Variants in ADGRL3 observed in about 807,000 individuals in gnomAD.
ADGRL3 encodes calcium-independent alpha-latrotoxin receptor 3.
ADGRL3 carries 62 observed loss-of-function variants against 153.5 expected under a neutral mutation model. The observed-to-expected ratio is 0.40, with a 90% CI of 0.33 to 0.50. The LOEUF (loss-of-function observed/expected upper bound fraction) is 0.50, where lower values mean the gene tolerates loss of function less well. Among genes scored for constraint, ADGRL3 ranks in the 20% least tolerant of loss-of-function variants. The probability of loss-of-function intolerance (pLI) is 0.47; values close to 1 mark genes in which losing one functional copy is unlikely to be tolerated. For synonymous variants in ADGRL3, 710 were observed against 672.5 expected, an observed-to-expected ratio of 1.06 and a Z score of -0.86; for missense variants, 1,641 against 1,859.4, an observed-to-expected ratio of 0.88 and a Z score of 2.16.
intron 23 of ADGRL3, among the ~76,000 whole-genome samples, chr4:62,036,370 C>T (rs1361084339): frequency 1.3e-5 from 2 of 151,956 alleles, no homozygotes; most frequent in African/African-American, 4.8e-5. Context: ...AGAAGCCGTT[C>T]TTGGCCTCCC....
intron 3 of ADGRL3, among the ~76,000 whole-genome samples, chr4:61,513,806 G>A (rs2098476638): frequency 6.6e-6 from 1 of 152,108 alleles, no homozygotes. Flanking sequence ...TAAGCATGAA[G>A]TTTCTCTGAA....
chr4:61,744,120 AGTCT>A (rs1227261863), intron 8 of ADGRL3, among the ~76,000 whole-genome samples: 1 of 152,142 alleles, frequency 6.6e-6, no homozygotes, highest in Non-Finnish European at 1.5e-5. Context: ...CTAGCACAAC[AGTCT>A]GAGATCAAAC....
intron 8 of ADGRL3, among the ~76,000 whole-genome samples, chr4:61,751,104 G>T (rs2096751945): frequency 6.6e-6 from 1 of 152,158 alleles, no homozygotes; most frequent in African/African-American, 2.4e-5. Context: ...AAGGGATCTA[G>T]ATTATGTGCT....
chr4:61,909,659 A>G lies in ADGRL3; in HGVS notation c.1987A>G (p.Met663Val), dbSNP rs376102447. Reference protein sequence around the residue: ...AGDITYSVRAMDQLVGLLDVQ... With the variant: ...AGDITYSVRAVDQLVGLLDVQ... ...GGACATCACCTACTCTGTCCGGGCC[A>G]TGGACCAGCTGGTAGGCCTCCTAGA... The change falls in exon 12 of 27, where the codon ATG (methionine) becomes GTG (valine). Residue 663 changes from methionine to valine, a missense_variant. Transcript: ENST00000683033. 4 of 1,610,902 alleles carry G rather than the reference A, an allele frequency of 2.5e-6. No individual in the cohort carries two copies. Among genetic ancestry groups the G allele is most frequent in the Admixed American group, 3.4e-5 (2 of 59,652 alleles).
chr4:61,756,246 C>A (rs1205290991), intron 8 of ADGRL3, among the ~76,000 whole-genome samples: 1 of 152,174 alleles, frequency 6.6e-6, no homozygotes, highest in Non-Finnish European at 1.5e-5. Flanking sequence ...TCTTCCTACC[C>A]ATGAGCATGG....
intron 2 of ADGRL3, among the ~76,000 whole-genome samples, chr4:61,470,364 G>T (rs1200171795): frequency 6.6e-6 from 1 of 151,744 alleles, no homozygotes; most frequent in Non-Finnish European, 1.5e-5. Flanking sequence ...CTGCAGGAGG[G>T]TCAACTATTT....
chr4:61,446,961 C>T (rs561457097), intron 2 of ADGRL3, among the ~76,000 whole-genome samples: 3 of 152,228 alleles, frequency 2.0e-5, no homozygotes, highest in African/African-American at 7.2e-5. Context: ...TACTTGTATG[C>T]ATACCCCTGC....
At chr4:61,628,177 G>T (rs1369289555) in intron 5 of ADGRL3, among the ~76,000 whole-genome samples, 1 of 151,970 alleles carries the variant, frequency 6.6e-6, no homozygotes, top group Non-Finnish European at 1.5e-5. Flanking sequence ...TACTAATATT[G>T]TCTCCTATTA....
chr4:61,583,142 A>C (rs535437333), intron 4 of ADGRL3, among the ~76,000 whole-genome samples: 1 of 152,150 alleles, frequency 6.6e-6, no homozygotes, highest in Non-Finnish European at 1.5e-5. Context: ...TTTGTCCCAT[A>C]ATTTCATGTC....
At chr4:61,473,705 A>G (rs2098001638) in intron 2 of ADGRL3, among the ~76,000 whole-genome samples, 1 of 152,118 alleles carries the variant, frequency 6.6e-6, no homozygotes, top group Admixed American at 6.6e-5. Context: ...TTTATCTAGA[A>G]AAAAATATTT....
intron 10 of ADGRL3, among the ~76,000 whole-genome samples, chr4:61,893,319 C>G (rs1426420779): frequency 1.3e-5 from 2 of 152,044 alleles, no homozygotes; most frequent in Non-Finnish European, 1.5e-5. Context: ...CTCATAGTTT[C>G]AGGTCTCTGG....
intron 2 of ADGRL3, among the ~76,000 whole-genome samples, chr4:61,485,694 G>A (rs2098183390): frequency 2.6e-5 from 4 of 152,084 alleles, no homozygotes; most frequent in Admixed American, 2.6e-4. Context: ...GAAGGAGTTG[G>A]AATAGGATGA....
At chr4:61,601,148 C>T (rs1299062498) in intron 5 of ADGRL3, among the ~76,000 whole-genome samples, 2 of 152,072 alleles carry the variant, frequency 1.3e-5, no homozygotes, top group Non-Finnish European at 2.9e-5. Context: ...AAAATTATCT[C>T]TCTATGAATT....
At chr4:61,483,172 G>A (rs1251208033) in intron 2 of ADGRL3, among the ~76,000 whole-genome samples, 2 of 151,950 alleles carry the variant, frequency 1.3e-5, no homozygotes, top group African/African-American at 4.8e-5. Context: ...AATCCTCTTT[G>A]GGGTTTTCCT....
chr4:61,865,730 C>G lies in ADGRL3; in HGVS notation c.1481-26926C>G, dbSNP rs144031600. 3.9e-3 allele frequency among the ~76,000 whole-genome samples: 587 copies of G among 151,904 alleles called. 5 individuals carry two copies. The highest frequency in any genetic ancestry group is 0.013 in the African/African-American group (546 of 41,538). ...TCAGTTTCTCCACCTGATATTTCCA[C>G]TTGACTCTTGTTTGCTAGACTACCT... On this transcript the variant is annotated intron_variant, in intron 9 of 26. Transcript: ENST00000683033.
At position 61,927,897 on chromosome 4, in the gene ADGRL3, GTCTA is replaced by G. The variant is rs530764124; in HGVS notation, c.2113-6926_2113-6923del. Among the ~76,000 whole-genome samples the G allele has an allele frequency of 3.1e-3, 467 of 150,982 alleles. 2 individuals are homozygous for G. Among genetic ancestry groups the G allele is most frequent in the East Asian group, 7.9e-3 (41 of 5,164 alleles). On this transcript the variant is annotated intron_variant, in intron 13 of 26. Coordinates refer to ENST00000683033, the MANE Select transcript of ADGRL3 (RefSeq NM_001387552.1). Reference sequence around the variant, plus strand: ...AAATCAATGGATACTATTTTCATCTGTCTATCTATCTATCTATCTACAGTGTATA... The same window carrying G: ...AAATCAATGGATACTATTTTCATCTGTCTATCTATCTATCTACAGTGTATA...
At chr4:61,827,626 A>C (rs745598416) in intron 9 of ADGRL3, among the ~76,000 whole-genome samples, 1 of 152,224 alleles carries the variant, frequency 6.6e-6, no homozygotes, top group Non-Finnish European at 1.5e-5. Flanking sequence ...TTGAGAGTGC[A>C]AACTAAAAGA....
At chr4:61,350,422 G>C (rs554232823) in intron 1 of ADGRL3, among the ~76,000 whole-genome samples, 4 of 146,414 alleles carry the variant, frequency 2.7e-5, no homozygotes, top group African/African-American at 1.0e-4. Flanking sequence ...AAATTTAAGA[G>C]CAGTGATATG....
chr4:61,343,429 C>T (rs748505423), intron 1 of ADGRL3, among the ~76,000 whole-genome samples: 1 of 152,080 alleles, frequency 6.6e-6, no homozygotes, highest in Non-Finnish European at 1.5e-5. Context: ...TGCTTTTTAT[C>T]CCTCAATCAC....
Sources: allele counts gnomAD v4.1 joint callset (sites outside exome capture counted in the v4.1 genomes callset), GRCh38; gene constraint gnomAD v4.1.1; transcripts MANE v1.5; gene names NCBI Gene and HGNC (gene_info 2026-07-23, HGNC 2026-07-21).